The following VWDE variants were observed in gnomAD, a reference collection of about 807,000 sequenced individuals.
The protein encoded by VWDE is von Willebrand factor D and EGF domains.
Under a neutral mutation model 178.4 loss-of-function variants are expected in VWDE, and 207 were observed. That is an observed-to-expected ratio of 1.16 (90% CI 1.04 to 1.30). VWDE has a LOEUF of 1.30. VWDE is among the 50% of genes most tolerant of loss of function. The pLI is 0.00. For synonymous variants in VWDE, 738 were observed against 651.4 expected (o/e 1.13, Z -2.02); for missense variants, 2,287 against 1,901.3 (o/e 1.20, Z -3.77).
At position 12,389,208 on chromosome 7, in the gene VWDE, G is replaced by T; in HGVS notation, c.394C>A (p.Pro132Thr). 1.3e-6 allele frequency: 2 copies of T among 1,551,758 alleles called. No individual in the cohort carries two copies. The highest frequency in any genetic ancestry group is 8.7e-7 in the Non-Finnish European group (1 of 1,147,010). Residue 132 changes from proline to threonine, a missense_variant, in exon 3 of 29, where the codon CCA (proline) becomes ACA (threonine). Transcript: ENST00000275358. ...TTCCCACAGTTTCTTACAGACACTG[G>T]GATTTGAAAGAGACAGCAGTCTTTT... ...TTKDCCLFQI[P>T]VSVRNCGNFS...
At chr7:12,362,851 T>A (rs1413699656) in intron 13 of VWDE, among the ~76,000 whole-genome samples, 16 of 151,996 alleles carry the variant, frequency 1.1e-4, no homozygotes, top group Admixed American at 1.0e-3. Context: ...AGAAGAAGAA[T>A]GATGATTTCT....
chr7:12,332,871 G>A (rs1261260317), intron 28 of VWDE, among the ~76,000 whole-genome samples: 3 of 152,028 alleles, frequency 2.0e-5, no homozygotes, highest in Non-Finnish European at 2.9e-5. Context: ...TCATGACCCT[G>A]GGGCATTTTG....
At chr7:12,344,703 A>C (rs2128547666) in intron 19 of VWDE, among the ~76,000 whole-genome samples, 1 of 152,324 alleles carries the variant, frequency 6.6e-6, no homozygotes, top group East Asian at 1.9e-4. Context: ...AACACAAGAC[A>C]GCTTCTATGT....
At chr7:12,385,325 C>T (rs112786375) in intron 3 of VWDE, among the ~76,000 whole-genome samples, 12 of 152,156 alleles carry the variant, frequency 7.9e-5, no homozygotes, top group African/African-American at 1.7e-4. Context: ...GACAGCAATA[C>T]GTCCAAGTAA....
chr7:12,384,475 C>T (rs1417578732), intron 3 of VWDE, among the ~76,000 whole-genome samples: 2 of 151,932 alleles, frequency 1.3e-5, no homozygotes, highest in African/African-American at 4.8e-5. Context: ...ACACCTAGAG[C>T]GGACCGTAAT....
chr7:12,375,302 A>C, intron 7 of VWDE, 75 bp from the exon 8 acceptor site: 2 of 1,045,440 alleles, frequency 1.9e-6, no homozygotes, highest in Non-Finnish European at 2.8e-6. Context: ...ATTAATTAAC[A>C]TGAAACACTG....
chr7:12,373,670 A>G (rs573096197), intron 9 of VWDE, among the ~76,000 whole-genome samples: 1 of 152,196 alleles, frequency 6.6e-6, no homozygotes, highest in African/African-American at 2.4e-5. Flanking sequence ...TACTTATTAA[A>G]TGTGTTTATA....
chr7:12,403,387 G>C (rs1785003073), intron 1 of VWDE, among the ~76,000 whole-genome samples: 1 of 152,126 alleles, frequency 6.6e-6, no homozygotes, highest in Non-Finnish European at 1.5e-5. Context: ...GATAACAGCA[G>C]GAAACAACCA....
rs764900694 is a variant in VWDE at position 12,370,770 on chromosome 7, G to A, written c.1682C>T (p.Thr561Ile). The A allele has an allele frequency of 3.2e-6, 5 of 1,550,104 alleles. No individual in the cohort carries two copies. The South Asian group carries it at 4.8e-5, about 15-fold the overall frequency. ...IRAPSVDYRN[T>I]LGLCGTFDEN... ...ATCAAAGGTTCCACAAAGTCCCAGA[G>A]TGTTTCTGTAATCTACACTAGGGGC... Residue 561 changes from threonine to isoleucine, a missense_variant, in exon 11 of 29, where the codon ACT becomes ATT. Physicochemically the swap from Thr to Ile is moderately conservative, Grantham distance 89. Coordinates refer to ENST00000275358, the MANE Select transcript of VWDE (RefSeq NM_001135924.3).
Position 12,336,211 on chromosome 7 carries a change from G to GT in VWDE, c.4583dup (p.Asn1528LysfsTer4). On this transcript the variant is annotated frameshift_variant, in exon 27 of 29. Coordinates refer to ENST00000275358, the MANE Select transcript of VWDE (RefSeq NM_001135924.3). LOFTEE classifies it high-confidence loss of function. ...TGCTGGGCGCAATGCATTCACCACC[G>GT]TTTTTACATTTCTGCAAGCAGATAG... 10 of 1,551,038 alleles carry GT rather than the reference G, an allele frequency of 6.4e-6. No homozygotes were observed. Among genetic ancestry groups the GT allele is most frequent in the Non-Finnish European group, 8.7e-6 (10 of 1,146,832 alleles).
At chr7:12,370,619 T>C in intron 11 of VWDE, 37 bp downstream of exon 11, 3 of 1,544,828 alleles carry the variant, frequency 1.9e-6, no homozygotes, top group East Asian at 2.4e-5. Flanking sequence ...TTAAGTCTAA[T>C]ATTAATATAA....
In VWDE at chr7:12,382,629, C is replaced by A. The variant is rs148106686; in HGVS notation, c.541+907G>T. Among the ~76,000 whole-genome samples the A allele has an allele frequency of 7.1e-3, 1,075 of 151,848 alleles. 12 individuals carry two copies. The highest frequency in any genetic ancestry group is 0.024 in the African/African-American group (990 of 41,480). On this transcript the variant is annotated intron_variant, in intron 4 of 28. Coordinates refer to ENST00000275358, the MANE Select transcript of VWDE (RefSeq NM_001135924.3). ...CCTGATTTATTTTATGTATTTATGG[C>A]TTGTTCCACCATATAAAACACCTCT...
chr7:12,361,238 C>T lies in VWDE; in HGVS notation c.3068G>A (p.Gly1023Asp), dbSNP rs1280727779. ...GKWQLKVSND[G>D]YKFSNPKITV... ...TATTTTGGGATTACTGAATTTATAA[C>T]CATCATTAGATACCTGTAACATAAT... Residue 1023 changes from glycine to aspartate, a missense_variant, in exon 15 of 29, where the codon GGT becomes GAT. By Grantham distance (94) the Gly-to-Asp change is moderately conservative (BLOSUM62 -1). Coordinates refer to ENST00000275358, the MANE Select transcript of VWDE (RefSeq NM_001135924.3). The T allele has an allele frequency of 6.5e-7, 1 of 1,546,442 alleles. No homozygotes were observed. The highest frequency in any genetic ancestry group is 2.0e-5 in the Admixed American group (1 of 50,826).
intron 18 of VWDE, among the ~76,000 whole-genome samples, chr7:12,355,179 G>A (rs762863107): frequency 1.4e-4 from 22 of 152,110 alleles, no homozygotes; most frequent in Non-Finnish European, 2.5e-4. Flanking sequence ...TACTTCGGGA[G>A]GCTGAGATGG....
chr7:12,378,772 A>G (rs1783677010), intron 6 of VWDE, among the ~76,000 whole-genome samples: 1 of 152,160 alleles, frequency 6.6e-6, no homozygotes, highest in South Asian at 2.1e-4. Context: ...TACTGTGTGT[A>G]CATGGACTTT....
At chr7:12,382,253 G>A (rs1783889082) in intron 4 of VWDE, among the ~76,000 whole-genome samples, 1 of 151,552 alleles carries the variant, frequency 6.6e-6, no homozygotes, top group Non-Finnish European at 1.5e-5. Flanking sequence ...ATTTATTCAA[G>A]AGGAAAAAGT....
chr7:12,399,838 A>G (rs1169896799), intron 1 of VWDE, among the ~76,000 whole-genome samples: 1 of 152,156 alleles, frequency 6.6e-6, no homozygotes, highest in African/African-American at 2.4e-5. Context: ...AACATAAAAT[A>G]AAAATTGAAA....
At chr7:12,373,301 G>C (rs1783318825) in intron 9 of VWDE, 54 bp from the exon 10 acceptor site, 7 of 1,508,332 alleles carry the variant, frequency 4.6e-6, no homozygotes, top group African/African-American at 1.4e-5. Context: ...TATCACAATA[G>C]TATGTTATTG....
At chr7:12,383,242 G>A (rs1174775064) in intron 4 of VWDE, among the ~76,000 whole-genome samples, 1 of 151,998 alleles carries the variant, frequency 6.6e-6, no homozygotes, top group African/African-American at 2.4e-5. Flanking sequence ...TTTGAAAGTA[G>A]AATTGTTAGG....
Sources: gnomAD v4.1 joint callset for allele counts (sites outside exome capture counted in the v4.1 genomes callset) on GRCh38, gnomAD v4.1.1 for gene constraint, MANE v1.5 for transcripts, NCBI Gene and HGNC (gene_info 2026-07-23, HGNC 2026-07-21) for gene names.